Variants in CCDC148 observed in about 807,000 individuals in gnomAD.
CCDC148 encodes the protein coiled-coil domain containing 148.
In CCDC148, 89 loss-of-function variants were observed where a neutral mutation model predicts 85.7. The observed-to-expected ratio is 1.04, with a 90% CI of 0.87 to 1.24. The LOEUF (loss-of-function observed/expected upper bound fraction) is 1.24. CCDC148 is among the 50% of genes most tolerant of loss of function. The pLI is 0.00. For missense variants in CCDC148, 692 were observed against 671.7 expected (o/e 1.03, Z -0.33); for synonymous variants, 230 against 213.9 (o/e 1.08, Z -0.66).
chr2:158,397,233 G>A (rs1559119065), intron 1 of CCDC148, among the ~76,000 whole-genome samples: 1 of 151,624 alleles, frequency 6.6e-6, no homozygotes, highest in East Asian at 1.9e-4. Flanking sequence ...AAGATTTGAA[G>A]CTAGACAAGG....
chr2:158,283,167 A>G (rs1690422596), intron 9 of CCDC148, among the ~76,000 whole-genome samples: 1 of 152,262 alleles, frequency 6.6e-6, no homozygotes, highest in Admixed American at 6.5e-5. Context: ...ACCTAAAACC[A>G]TAAAAACCCT....
At chr2:158,326,189 A>G (rs900583014) in intron 7 of CCDC148, among the ~76,000 whole-genome samples, 1 of 152,148 alleles carries the variant, frequency 6.6e-6, no homozygotes, top group Non-Finnish European at 1.5e-5. Context: ...CTTGCCAGGC[A>G]TACTCCCGCC....
chr2:158,260,310 A>T (rs1689165389), intron 9 of CCDC148, among the ~76,000 whole-genome samples: 1 of 152,086 alleles, frequency 6.6e-6, no homozygotes, highest in Non-Finnish European at 1.5e-5. Context: ...AAAATTCAAC[A>T]TCCCTTCAGG....
chr2:158,444,751 C>G (rs934444221), intron 1 of CCDC148, among the ~76,000 whole-genome samples: 1 of 133,030 alleles, frequency 7.5e-6, no homozygotes, highest in Non-Finnish European at 1.5e-5. Flanking sequence ...AGCCACTGCA[C>G]TCCAGCCTGG....
intron 1 of CCDC148, among the ~76,000 whole-genome samples, chr2:158,438,682 A>G (rs1450042044): frequency 1.3e-5 from 2 of 152,200 alleles, no homozygotes; most frequent in East Asian, 1.9e-4. Flanking sequence ...ATCAGAGTGA[A>G]CAGGCAACCT....
At chr2:158,247,916 TTTTAC>T (rs1688634943) in intron 10 of CCDC148, among the ~76,000 whole-genome samples, 1 of 152,118 alleles carries the variant, frequency 6.6e-6, no homozygotes, top group Non-Finnish European at 1.5e-5. Flanking sequence ...TATATTTTTA[TTTTAC>T]TTTAAGTTCT....
chr2:158,286,558 A>C (rs916465028), intron 9 of CCDC148, among the ~76,000 whole-genome samples: 1 of 152,214 alleles, frequency 6.6e-6, no homozygotes, highest in Admixed American at 6.5e-5. Flanking sequence ...ACACTTATGA[A>C]GAAGAACAAC....
At chr2:158,297,943 A>C (rs1405602556) in intron 9 of CCDC148, among the ~76,000 whole-genome samples, 1 of 152,242 alleles carries the variant, frequency 6.6e-6, no homozygotes, top group African/African-American at 2.4e-5. Context: ...GCTAATAAAG[A>C]TATACCCAAG....
chr2:158,220,701 A>C lies in CCDC148; in HGVS notation c.1264T>G (p.Trp422Gly). Residue 422 changes from tryptophan to glycine, a missense_variant, in exon 11 of 14, where the codon TGG (tryptophan) becomes GGG (glycine). By Grantham distance (184) the Trp-to-Gly change is radical. Transcript: ENST00000283233. ...AEKKKKIKKY[W>G]AKKKQKWQEM... ...TGCCACTTCTGTTTTTTCTTGGCCC[A>C]GTATTTTTTTATCTATTGTATAAAT... The C allele has an allele frequency of 1.3e-6, 2 of 1,579,664 alleles. No homozygotes were observed. The highest frequency in any genetic ancestry group is 1.7e-6 in the Non-Finnish European group (2 of 1,169,990).
chr2:158,193,327 G>C (rs190943547), intron 11 of CCDC148, among the ~76,000 whole-genome samples: 5 of 152,200 alleles, frequency 3.3e-5, no homozygotes, highest in African/African-American at 1.2e-4. Context: ...TGTGAACAGA[G>C]ACAAACCTTT....
At chr2:158,184,688 A>G (rs1391865469) in intron 11 of CCDC148, among the ~76,000 whole-genome samples, 1 of 152,190 alleles carries the variant, frequency 6.6e-6, no homozygotes, top group Admixed American at 6.5e-5. Flanking sequence ...AGAATCTAGT[A>G]GTCAGGCCCA....
Position 158,289,073 on chromosome 2 carries a change from TC to T in CCDC148, c.1110+20359del, listed in dbSNP as rs563060706. ...ATTCAATTACCTCCCACTGTGTCCC[TC>T]CCACAACACGTGGGAATTCTGAGAG... On this transcript the variant is annotated intron_variant, in intron 9 of 13. Coordinates refer to ENST00000283233, the MANE Select transcript of CCDC148 (RefSeq NM_138803.4). Among the ~76,000 whole-genome samples the T allele has an allele frequency of 4.7e-3, 723 of 152,288 alleles. 1 individual carries two copies. The highest frequency in any genetic ancestry group is 0.016 in the African/African-American group (661 of 41,558).
At chr2:158,378,910 CAGG>C (rs1684761632) in intron 1 of CCDC148, among the ~76,000 whole-genome samples, 1 of 152,116 alleles carries the variant, frequency 6.6e-6, no homozygotes, top group Admixed American at 6.6e-5. Context: ...AGGAGATGTA[CAGG>C]AGATTAATGT....
chr2:158,289,403 A>G (rs957022927), intron 9 of CCDC148, among the ~76,000 whole-genome samples: 2 of 152,224 alleles, frequency 1.3e-5, no homozygotes, highest in East Asian at 3.8e-4. Flanking sequence ...ACAATAGAAA[A>G]AAAATGGATG....
intron 11 of CCDC148, among the ~76,000 whole-genome samples, chr2:158,217,020 A>G (rs1435269625): frequency 6.6e-6 from 1 of 152,122 alleles, no homozygotes; most frequent in Non-Finnish European, 1.5e-5. Flanking sequence ...TAGAGCCAGG[A>G]TTCTAATGTC....
intron 1 of CCDC148, among the ~76,000 whole-genome samples, chr2:158,383,801 C>T (rs534566006): frequency 6.6e-6 from 1 of 152,256 alleles, no homozygotes; most frequent in South Asian, 2.1e-4. Context: ...AAGAGATTTA[C>T]CATCGATAAC....
At chr2:158,353,825 A>C (rs1683465696) in intron 2 of CCDC148, among the ~76,000 whole-genome samples, 1 of 152,124 alleles carries the variant, frequency 6.6e-6, no homozygotes, top group Non-Finnish European at 1.5e-5. Context: ...ATATAGTTGG[A>C]AGTAAAGCTC....
rs574979469 is a variant in CCDC148, at chr2:158,442,796, T to C, written c.25+13619A>G. 3.3e-5 allele frequency among the ~76,000 whole-genome samples: 5 copies of C among 152,354 alleles called. No homozygotes were observed. In the South Asian group the frequency reaches 1.0e-3, roughly 32 times the overall value. On this transcript the variant is annotated intron_variant, in intron 1 of 13. Transcript: ENST00000283233. Reference sequence around the variant, plus strand: ...GTGCCAGACACTATTCTAAGAGTCTTAGCTCTTTTAACTCATTAAATACTC... The same window carrying C: ...GTGCCAGACACTATTCTAAGAGTCTCAGCTCTTTTAACTCATTAAATACTC...
intron 1 of CCDC148, among the ~76,000 whole-genome samples, chr2:158,411,048 T>C (rs2105314575): frequency 6.6e-6 from 1 of 152,314 alleles, no homozygotes; most frequent in South Asian, 2.1e-4. Flanking sequence ...GCAAGGTTTC[T>C]TCTAAGAAGT....
Sources: allele counts gnomAD v4.1 joint callset (sites outside exome capture counted in the v4.1 genomes callset), GRCh38; gene constraint gnomAD v4.1.1; transcripts MANE v1.5; gene names NCBI Gene and HGNC (gene_info 2026-07-23, HGNC 2026-07-21).